The following MYO5B variants were observed in gnomAD, a reference collection of about 807,000 sequenced individuals.
MYO5B encodes the protein unconventional myosin-Vb.
A neutral mutation model predicts 229.3 loss-of-function variants in MYO5B; 143 were observed. The observed-to-expected ratio is 0.62, with a 90% CI of 0.54 to 0.72. The LOEUF is 0.72. MYO5B is among the 30% of genes least tolerant of loss of function. The pLI is 0.00. For synonymous variants in MYO5B, 918 were observed against 885.2 expected, an observed-to-expected ratio of 1.04 and a Z score of -0.66; for missense variants, 2,321 against 2,331.0, an observed-to-expected ratio of 1.00 and a Z score of 0.09.
At chr18:49,999,660 T>C (rs1182760352) in intron 5 of MYO5B, among the ~76,000 whole-genome samples, 1 of 149,570 alleles carries the variant, frequency 6.7e-6, no homozygotes, top group Non-Finnish European at 1.5e-5. Context: ...TTTCCTTTCA[T>C]TCTTTCACAT....
intron 1 of MYO5B, among the ~76,000 whole-genome samples, chr18:50,061,060 G>A (rs563919843): frequency 6.6e-6 from 1 of 152,100 alleles, no homozygotes; most frequent in Non-Finnish European, 1.5e-5. Context: ...CAGAGCTAAA[G>A]AACTCTTTCC....
chr18:50,096,880 C>A (rs922551081), intron 1 of MYO5B, among the ~76,000 whole-genome samples: 17 of 152,288 alleles, frequency 1.1e-4, no homozygotes, highest in Admixed American at 1.1e-3. Context: ...CTACAATATA[C>A]CCCTACCTTC....
At chr18:49,836,481 G>C (rs2023987836) in intron 38 of MYO5B, among the ~76,000 whole-genome samples, 1 of 152,150 alleles carries the variant, frequency 6.6e-6, no homozygotes, top group African/African-American at 2.4e-5. Flanking sequence ...GTGAGTAAGA[G>C]GGATAGAGAG....
chr18:50,072,812 C>T (rs996970694), intron 1 of MYO5B, among the ~76,000 whole-genome samples: 4 of 151,966 alleles, frequency 2.6e-5, no homozygotes, highest in Non-Finnish European at 5.9e-5. Context: ...CAATAGGGAG[C>T]TCCCACTGGA....
chr18:50,107,457 G>A (rs1385779511), intron 1 of MYO5B, among the ~76,000 whole-genome samples: 3 of 152,086 alleles, frequency 2.0e-5, no homozygotes, highest in South Asian at 2.1e-4. Context: ...GAGTTCTACC[G>A]TATTCTCACA....
chr18:50,139,613 C>G (rs1343163115), intron 1 of MYO5B, among the ~76,000 whole-genome samples: 1 of 152,160 alleles, frequency 6.6e-6, no homozygotes, highest in African/African-American at 2.4e-5. Flanking sequence ...CTTTGCCCAG[C>G]AGAGGACCCA....
chr18:49,872,964 C>T (rs1256269470), intron 26 of MYO5B, among the ~76,000 whole-genome samples: 2 of 152,210 alleles, frequency 1.3e-5, no homozygotes, highest in South Asian at 2.1e-4. Context: ...TAACAAGTTA[C>T]GTTCCAATTT....
chr18:50,045,804 GTTC>G (rs2030208563), intron 2 of MYO5B, among the ~76,000 whole-genome samples: 1 of 152,230 alleles, frequency 6.6e-6, no homozygotes, highest in Non-Finnish European at 1.5e-5. Flanking sequence ...CACAGCCAAT[GTTC>G]TATTGGTAGC....
intron 25 of MYO5B, among the ~76,000 whole-genome samples, chr18:49,877,267 C>T (rs630665): frequency 0.42 from 64,604 of 152,126 alleles, 14,373 homozygotes; most frequent in Middle Eastern, 0.55. Context: ...GACTAAGAGG[C>T]TATTACCAAC....
At chr18:49,998,622 C>G (rs2026014499) in intron 5 of MYO5B, among the ~76,000 whole-genome samples, 2 of 152,072 alleles carry the variant, frequency 1.3e-5, no homozygotes, top group African/African-American at 4.8e-5. Flanking sequence ...TGCACAATAC[C>G]CAAAAGGTAG....
At chr18:50,193,758 C>G (rs1469713187) in intron 1 of MYO5B, among the ~76,000 whole-genome samples, 2 of 152,246 alleles carry the variant, frequency 1.3e-5, no homozygotes, top group African/African-American at 4.8e-5. Context: ...AACTTGTTTT[C>G]TTAAAGGTGC....
At chr18:50,173,977 T>C (rs1705515) in intron 1 of MYO5B, among the ~76,000 whole-genome samples, 86,555 of 152,000 alleles carry the variant, frequency 0.57, 25,543 homozygotes, top group Non-Finnish European at 0.64. Flanking sequence ...GAGATTGGCA[T>C]TGGAATCAGA....
intron 1 of MYO5B, among the ~76,000 whole-genome samples, chr18:50,077,502 A>AACACACACACACACAC (rs60086500): frequency 2.5e-4 from 34 of 133,604 alleles, no homozygotes; most frequent in Middle Eastern, 3.8e-3. Context: ...CACACACACA[A>AACACACACACACACAC]ACACACACAC....
intron 1 of MYO5B, among the ~76,000 whole-genome samples, chr18:50,176,823 C>CT (rs903638760): frequency 1.3e-5 from 2 of 152,166 alleles, no homozygotes; most frequent in Non-Finnish European, 2.9e-5. Context: ...TAAGCAACTG[C>CT]TTTTTTTGCT....
At chr18:49,949,331 GA>G (rs11420664) in intron 14 of MYO5B, among the ~76,000 whole-genome samples, 1,676 of 94,912 alleles carry the variant, frequency 0.018, 8 homozygotes, top group Non-Finnish European at 0.023. Context: ...TGGAAAACTG[GA>G]AAAAAAAAAA....
At chr18:50,132,770 G>T (rs1442911356) in intron 1 of MYO5B, among the ~76,000 whole-genome samples, 1 of 152,216 alleles carries the variant, frequency 6.6e-6, no homozygotes, top group Admixed American at 6.5e-5. Flanking sequence ...TTAAGTGGGA[G>T]CATGAGACAA....
intron 1 of MYO5B, among the ~76,000 whole-genome samples, chr18:50,082,186 G>A (rs1186411514): frequency 1.3e-5 from 2 of 152,034 alleles, no homozygotes; most frequent in Admixed American, 6.6e-5. Context: ...TTGGAGAGAG[G>A]GTTAAATATA....
intron 1 of MYO5B, among the ~76,000 whole-genome samples, chr18:50,075,419 C>A (rs2031056650): frequency 1.3e-5 from 2 of 152,174 alleles, no homozygotes; most frequent in Admixed American, 1.3e-4. Flanking sequence ...CATTGCCCTT[C>A]TTCATAGCAG....
chr18:50,028,029 TGAAAAAA>T (rs2026349382), intron 4 of MYO5B, among the ~76,000 whole-genome samples: 1 of 152,078 alleles, frequency 6.6e-6, no homozygotes, highest in Admixed American at 6.5e-5. Flanking sequence ...AGGGAGACTT[TGAAAAAA>T]GAAAAAACAC....
Sources: gnomAD v4.1 joint callset for allele counts (sites outside exome capture counted in the v4.1 genomes callset) on GRCh38, gnomAD v4.1.1 for gene constraint, MANE v1.5 for transcripts, NCBI Gene and HGNC (gene_info 2026-07-23, HGNC 2026-07-21) for gene names.